FNIP1: variants seen among roughly 807,000 people sequenced by gnomAD.
FNIP1 encodes the protein folliculin-interacting protein 1.
In FNIP1, 40 loss-of-function variants were observed where a neutral mutation model predicts 124.5. That is an observed-to-expected ratio of 0.32 (90% confidence interval 0.25 to 0.42). The LOEUF is 0.42. Ranked by LOEUF, FNIP1 falls within the 10% of genes least tolerant of loss-of-function variation. FNIP1 has a pLI of 1.00. For synonymous variants in FNIP1, 472 were observed against 470.6 expected (o/e 1.00, Z -0.04); for missense variants, 1,176 against 1,403.7 (o/e 0.84, Z 2.59).
chr5:131,646,502 G>C (rs1766885269), intron 17 of FNIP1, among the ~76,000 whole-genome samples: 1 of 152,082 alleles, frequency 6.6e-6, no homozygotes. Context: ...GGCATTTCAA[G>C]AAATAATTCA....
At chr5:131,790,585 A>C (rs918823448) in intron 1 of FNIP1, among the ~76,000 whole-genome samples, 4 of 151,884 alleles carry the variant, frequency 2.6e-5, no homozygotes, top group Non-Finnish European at 4.4e-5. Flanking sequence ...CAGAGTTCTG[A>C]CTATAAAATA....
intron 15 of FNIP1, among the ~76,000 whole-genome samples, chr5:131,652,565 T>A (rs970575532): frequency 4.6e-5 from 7 of 152,092 alleles, no homozygotes; most frequent in African/African-American, 1.7e-4. Context: ...ATGGTCTCGA[T>A]CTCCTAACCT....
Position 131,671,634 on chromosome 5 carries a change from T to G in FNIP1, c.2810A>C (p.Glu937Ala). The part of the protein sequence containing the change: ...VGTEWDIPRN[E>A]SSDSALGDSE... Reference sequence around the variant, plus strand: ...ATCCCCAAGGGCACTGTCTGAACTTTCATTTCTTGGAATGTCCCATTCAGT... The same window carrying G: ...ATCCCCAAGGGCACTGTCTGAACTTGCATTTCTTGGAATGTCCCATTCAGT... The change falls in exon 14 of 18, where the codon GAA becomes GCA. Residue 937 changes from glutamate to alanine, a missense_variant. Physicochemically the swap from Glu to Ala is moderately radical, Grantham distance 107. Transcript: ENST00000510461. The G allele has an allele frequency of 1.9e-6, 3 of 1,614,130 alleles. No homozygotes were observed. Among genetic ancestry groups the G allele is most frequent in the Non-Finnish European group, 2.5e-6 (3 of 1,180,014 alleles).
chr5:131,645,543 G>A (rs1766856360), intron 17 of FNIP1, among the ~76,000 whole-genome samples: 1 of 152,176 alleles, frequency 6.6e-6, no homozygotes, highest in African/African-American at 2.4e-5. Flanking sequence ...GCCTAGCAAA[G>A]ATCAAATCTG....
At chr5:131,669,275 T>C (rs1438243215) in intron 15 of FNIP1, among the ~76,000 whole-genome samples, 3 of 152,020 alleles carry the variant, frequency 2.0e-5, no homozygotes, top group Non-Finnish European at 4.4e-5. Context: ...TACCAAACGT[T>C]TAGAGAAAAA....
At chr5:131,664,399 C>T (rs1767531035) in intron 15 of FNIP1, among the ~76,000 whole-genome samples, 1 of 151,750 alleles carries the variant, frequency 6.6e-6, no homozygotes, top group African/African-American at 2.4e-5. Flanking sequence ...TTTTGGGAGG[C>T]CGAGGTGGGA....
rs1767796636 is a variant in FNIP1 at position 131,672,610 on chromosome 5, A to G, written c.1834T>C (p.Tyr612His). The G allele has an allele frequency of 6.2e-7, 1 of 1,614,162 alleles. No individual in the cohort carries two copies. The highest frequency in any genetic ancestry group is 1.7e-5 in the Admixed American group (1 of 60,026). ...TGCCCAAGGAGTGGATGACTGCAAT[A>G]TTTACAGTTACAATTGGGAGTTCTA... is the stretch of plus-strand genomic sequence containing the variant. ...EIRTPNCNCK[Y>H]CSHPLLGQNV... is the part of the protein sequence containing the mutation. The change falls in exon 14 of 18, where the codon TAT (tyrosine) becomes CAT (histidine). Residue 612 changes from tyrosine to histidine, a missense_variant. Transcript: ENST00000510461.
intron 1 of FNIP1, among the ~76,000 whole-genome samples, chr5:131,785,657 A>G (rs1328373376): frequency 6.6e-6 from 1 of 152,174 alleles, no homozygotes; most frequent in Non-Finnish European, 1.5e-5. Flanking sequence ...GTACATTAAC[A>G]TGGGGCTTTA....
chr5:131,648,719 ACCAT>A (rs1419904076), intron 16 of FNIP1, among the ~76,000 whole-genome samples: 1 of 152,180 alleles, frequency 6.6e-6, no homozygotes, highest in African/African-American at 2.4e-5. Context: ...AACCATCACC[ACCAT>A]CCATTTCCAG....
At position 131,706,031 on chromosome 5, in the gene FNIP1, G is replaced by A. The variant is rs75866734; in HGVS notation, c.914+380C>T. On this transcript the variant is annotated intron_variant, in intron 9 of 17. Transcript: ENST00000510461. ...GCAGTGTATGATTTCATTCATACAA[G>A]GTATGAATGAAAATTCATAAAGACA... is the stretch of plus-strand genomic sequence containing the variant. Among the ~76,000 whole-genome samples the A allele has an allele frequency of 5.1e-3, 769 of 152,070 alleles. 4 individuals are homozygous for A. Among genetic ancestry groups the A allele is most frequent in the African/African-American group, 0.017 (704 of 41,468 alleles).
intron 1 of FNIP1, among the ~76,000 whole-genome samples, chr5:131,791,489 G>C (rs1314308021): frequency 6.6e-6 from 1 of 152,046 alleles, no homozygotes; most frequent in East Asian, 1.9e-4. Context: ...TATCTAAATC[G>C]AACTTCAAGT....
chr5:131,663,498 T>C (rs1263946576), intron 15 of FNIP1, among the ~76,000 whole-genome samples: 1 of 152,042 alleles, frequency 6.6e-6, no homozygotes, highest in African/African-American at 2.4e-5. Flanking sequence ...GTAGGTCTCA[T>C]GACTCTAATA....
At chr5:131,705,254 C>T (rs1031733148) in intron 9 of FNIP1, among the ~76,000 whole-genome samples, 2 of 151,372 alleles carry the variant, frequency 1.3e-5, no homozygotes, top group Non-Finnish European at 2.9e-5. Context: ...GTGGATCACT[C>T]GAGCCCAGAA....
At chr5:131,705,036 C>T (rs546216456) in intron 9 of FNIP1, among the ~76,000 whole-genome samples, 13 of 152,056 alleles carry the variant, frequency 8.5e-5, no homozygotes, top group Non-Finnish European at 1.0e-4. Context: ...AATCATATAT[C>T]TGATAAGGGA....
intron 1 of FNIP1, among the ~76,000 whole-genome samples, chr5:131,755,695 G>A (rs1329788950): frequency 6.6e-6 from 1 of 151,976 alleles, no homozygotes; most frequent in African/African-American, 2.4e-5. Context: ...AAAACTCATG[G>A]TAAAGCACTG....
chr5:131,684,157 C>A (rs1369337498), intron 11 of FNIP1, among the ~76,000 whole-genome samples: 1 of 152,048 alleles, frequency 6.6e-6, no homozygotes, highest in Non-Finnish European at 1.5e-5. Flanking sequence ...AAAATTGGCA[C>A]TAAATAAATG....
intron 2 of FNIP1, among the ~76,000 whole-genome samples, chr5:131,740,239 G>A (rs1770469299): frequency 6.6e-6 from 1 of 152,158 alleles, no homozygotes; most frequent in Non-Finnish European, 1.5e-5. Flanking sequence ...TCACTTTTAT[G>A]TGTTCAAACT....
At chr5:131,728,529 C>G (rs143791210) in intron 3 of FNIP1, among the ~76,000 whole-genome samples, 107 of 152,228 alleles carry the variant, frequency 7.0e-4, no homozygotes, top group African/African-American at 2.5e-3. Flanking sequence ...TCAGCTCCAT[C>G]AGGTCATTCA....
chr5:131,744,389 A>G (rs1374451031), intron 2 of FNIP1, among the ~76,000 whole-genome samples, 175 bp downstream of exon 2: 2 of 152,136 alleles, frequency 1.3e-5, no homozygotes, highest in Non-Finnish European at 2.9e-5. Flanking sequence ...CTAAGCATCA[A>G]ACCACTCCTC....
Sources: allele counts gnomAD v4.1 joint callset (sites outside exome capture counted in the v4.1 genomes callset), GRCh38; gene constraint gnomAD v4.1.1; transcripts MANE v1.5; gene names NCBI Gene and HGNC (gene_info 2026-07-23, HGNC 2026-07-21).